FRMPD4: variants seen among roughly 807,000 people sequenced by gnomAD.
FRMPD4 encodes the protein FERM and PDZ domain-containing protein 4.
A neutral mutation model predicts 94.1 loss-of-function variants in FRMPD4; 22 were observed. The observed-to-expected ratio is 0.23, with a 90% CI of 0.17 to 0.33. The LOEUF is 0.33. FRMPD4 is among the 10% of genes least tolerant of loss of function. The probability of loss-of-function intolerance (pLI) is 1.00; values close to 1 mark genes in which losing one functional copy is unlikely to be tolerated. For synonymous variants in FRMPD4, 631 were observed against 548.6 expected, an observed-to-expected ratio of 1.15 and a Z score of -2.10; for missense variants, 1,111 against 1,339.9, an observed-to-expected ratio of 0.83 and a Z score of 2.67.
chrX:12,589,904 C>G (rs1341701848), intron 2 of FRMPD4, among the ~76,000 whole-genome samples: 1 of 111,968 alleles, frequency 8.9e-6, no homozygotes, highest in African/African-American at 3.2e-5. Flanking sequence ...CAACTGATTC[C>G]TTCCACCTAC....
chrX:12,621,982 G>GAA (rs1291561682), intron 4 of FRMPD4, among the ~76,000 whole-genome samples: 1 of 31,030 alleles, frequency 3.2e-5, no homozygotes, highest in Non-Finnish European at 5.3e-5. Flanking sequence ...AAGAAAGAAA[G>GAA]AAAGAAAGAA....
intron 1 of FRMPD4, among the ~76,000 whole-genome samples, chrX:12,411,161 A>C (rs773555175): frequency 9.0e-6 from 1 of 111,407 alleles, no homozygotes; most frequent in East Asian, 2.8e-4. Flanking sequence ...ATTTTCTTCC[A>C]AACTCCCAAC....
chrX:12,048,721 A>T (rs1330425695), intron 3 of FRMPD4, among the ~76,000 whole-genome samples: 1 of 111,950 alleles, frequency 8.9e-6, no homozygotes, highest in Non-Finnish European at 1.9e-5. Flanking sequence ...CAGTTATGCC[A>T]GCACTATTTA....
chrX:12,671,559 G>A (rs947617429), intron 4 of FRMPD4, among the ~76,000 whole-genome samples: 1 of 110,058 alleles, frequency 9.1e-6, no homozygotes. Context: ...CACAGGGAGG[G>A]GAACATCACA....
chrX:11,933,945 G>C (rs1459306676), intron 3 of FRMPD4, among the ~76,000 whole-genome samples: 1 of 111,949 alleles, frequency 8.9e-6, no homozygotes, highest in Non-Finnish European at 1.9e-5. Context: ...GAGAACTTAA[G>C]GTATAGAATT....
At chrX:12,469,163 T>C (rs986403225) in intron 1 of FRMPD4, among the ~76,000 whole-genome samples, 4 of 112,209 alleles carry the variant, frequency 3.6e-5, no homozygotes, top group African/African-American at 1.3e-4. Context: ...CGATCATCTC[T>C]GAGAAATCAG....
chrX:11,891,382 T>G (rs914391630), intron 3 of FRMPD4, among the ~76,000 whole-genome samples: 2 of 111,908 alleles, frequency 1.8e-5, no homozygotes, highest in African/African-American at 6.5e-5. Flanking sequence ...TTTCCAGGAA[T>G]GAGAGAGGAA....
At chrX:12,533,699 AT>A (rs2058309420) in intron 2 of FRMPD4, among the ~76,000 whole-genome samples, 1 of 112,043 alleles carries the variant, frequency 8.9e-6, no homozygotes, top group Non-Finnish European at 1.9e-5. Flanking sequence ...TGCCCTAGAG[AT>A]TTGTGGAACT....
chrX:11,964,423 C>T (rs746800626), intron 3 of FRMPD4, among the ~76,000 whole-genome samples: 8 of 110,899 alleles, frequency 7.2e-5, no homozygotes, highest in Admixed American at 9.6e-5. Context: ...GGATTACATG[C>T]GTGAGCCACC....
chrX:12,333,063 A>G lies in FRMPD4; in HGVS notation c.42-165617A>G, dbSNP rs534620879. On this transcript the variant is annotated intron_variant, in intron 1 of 16. Coordinates refer to ENST00000675598, the MANE Select transcript of FRMPD4 (RefSeq NM_001368397.1). Reference sequence around the variant, plus strand: ...CTACAGATGTTTGCCATTTTTAACCATAATAAATATACCAAAAGTTTTTCA... The same window carrying G: ...CTACAGATGTTTGCCATTTTTAACCGTAATAAATATACCAAAAGTTTTTCA... Among the ~76,000 whole-genome samples the G allele has an allele frequency of 1.1e-4, 12 of 112,135 alleles. No homozygotes were observed. The South Asian group carries it at 3.3e-3, about 31-fold the overall frequency.
intron 3 of FRMPD4, among the ~76,000 whole-genome samples, chrX:12,002,718 C>T (rs1362779903): frequency 9.0e-6 from 1 of 111,544 alleles, no homozygotes; most frequent in Non-Finnish European, 1.9e-5. Flanking sequence ...AGTTGTCAGC[C>T]CTGTGTTTAT....
chrX:11,957,174 A>C (rs923945158), intron 3 of FRMPD4, among the ~76,000 whole-genome samples: 1 of 112,097 alleles, frequency 8.9e-6, no homozygotes, highest in Non-Finnish European at 1.9e-5. Context: ...CATGACTCTC[A>C]TACATACAAA....
intron 1 of FRMPD4, among the ~76,000 whole-genome samples, chrX:12,478,351 A>T (rs763840770): frequency 1.3e-4 from 14 of 111,684 alleles, no homozygotes; most frequent in African/African-American, 4.5e-4. Flanking sequence ...AGGCAGGCAG[A>T]TCGCATGAGG....
intron 1 of FRMPD4, among the ~76,000 whole-genome samples, chrX:12,460,317 G>A (rs2057378423): frequency 8.9e-6 from 1 of 111,798 alleles, no homozygotes; most frequent in Non-Finnish European, 1.9e-5. Context: ...TCTACATCCT[G>A]TTTAAGAAAT....
chrX:12,157,612 G>A (rs766425868), intron 1 of FRMPD4, among the ~76,000 whole-genome samples: 1 of 112,194 alleles, frequency 8.9e-6, no homozygotes, highest in African/African-American at 3.2e-5. Context: ...CTGAGGCGCT[G>A]GGTGAAAGGA....
intron 1 of FRMPD4, among the ~76,000 whole-genome samples, chrX:12,450,215 T>A (rs1238265698): frequency 9.0e-6 from 1 of 110,701 alleles, no homozygotes; most frequent in East Asian, 2.8e-4. Flanking sequence ...TTGGGTTAGG[T>A]TCTATGACCT....
At position 12,686,217 on chromosome X, in the gene FRMPD4, G is replaced by A. The variant is rs1461768012; in HGVS notation, c.681+13G>A. ...CACTTCCATTAAGGTAAGATGACCTGGTAAACTCTGTCCCTGGACGCTTTC... is the reference window on the plus strand; with the variant it reads ...CACTTCCATTAAGGTAAGATGACCTAGTAAACTCTGTCCCTGGACGCTTTC... On this transcript the variant is annotated intron_variant, in intron 7 of 16. Coordinates refer to ENST00000675598, the MANE Select transcript of FRMPD4 (RefSeq NM_001368397.1). The A allele has an allele frequency of 5.6e-6, 5 of 891,840 alleles. No individual in the cohort carries two copies. The highest frequency in any genetic ancestry group is 2.1e-5 in the South Asian group (1 of 48,315). 73.5% of individuals were successfully genotyped at this position (891,840 alleles called of 1,213,427 possible).
At chrX:12,435,929 T>A (rs762553187) in intron 1 of FRMPD4, among the ~76,000 whole-genome samples, 1 of 111,901 alleles carries the variant, frequency 8.9e-6, no homozygotes, top group Non-Finnish European at 1.9e-5. Flanking sequence ...TTCCCAGATT[T>A]TAAATTTATT....
chrX:12,016,340 T>C (rs2147419011), intron 3 of FRMPD4, among the ~76,000 whole-genome samples: 1 of 112,209 alleles, frequency 8.9e-6, no homozygotes, highest in South Asian at 3.7e-4. Flanking sequence ...AGGCTCAATG[T>C]GGTTAGCGTA....
Sources: allele counts gnomAD v4.1 joint callset (sites outside exome capture counted in the v4.1 genomes callset), GRCh38; gene constraint gnomAD v4.1.1; transcripts MANE v1.5; gene names NCBI Gene and HGNC (gene_info 2026-07-23, HGNC 2026-07-21).